Variants in SPSB4 observed in about 807,000 individuals in gnomAD.
SPSB4 encodes the protein splA/ryanodine receptor domain and SOCS box containing 4, also known as SPRY domain-containing SOCS box protein 4.
A neutral mutation model predicts 20.9 loss-of-function variants in SPSB4; 21 were observed. The ratio of observed to expected loss-of-function variants is 1.01; its 90% CI spans 0.71 to 1.45. The LOEUF (loss-of-function observed/expected upper bound fraction) is 1.45. Among genes scored for constraint, SPSB4 ranks in the 40% most tolerant of loss-of-function variants. The pLI, the probability that SPSB4 is intolerant of heterozygous loss-of-function variation, is 0.00. For missense variants in SPSB4, 399 were observed against 399.2 expected, an observed-to-expected ratio of 1.00 and a Z score of 0.00; for synonymous variants, 207 against 183.8, an observed-to-expected ratio of 1.13 and a Z score of -1.02.
intron 2 of SPSB4, among the ~76,000 whole-genome samples, chr3:141,134,111 A>G (rs1559856651): frequency 4.0e-5 from 2 of 50,614 alleles, no homozygotes; most frequent in East Asian, 1.5e-3. Flanking sequence ...TCTTGATTTG[A>G]TTCTGGTCAC....
At chr3:141,124,493 T>G (rs1939019901) in intron 2 of SPSB4, among the ~76,000 whole-genome samples, 1 of 152,052 alleles carries the variant, frequency 6.6e-6, no homozygotes, top group Admixed American at 6.5e-5. Flanking sequence ...CTGATGAGGA[T>G]GTGGAGAAGG....
intron 2 of SPSB4, among the ~76,000 whole-genome samples, chr3:141,076,291 C>T (rs1271809277): frequency 6.6e-6 from 1 of 152,216 alleles, no homozygotes; most frequent in Non-Finnish European, 1.5e-5. Flanking sequence ...CTCCTTTTCA[C>T]GTCCGGCCCC....
chr3:141,141,123 T>G (rs980794062), intron 2 of SPSB4, among the ~76,000 whole-genome samples: 1 of 152,256 alleles, frequency 6.6e-6, no homozygotes, highest in Non-Finnish European at 1.5e-5. Context: ...CATAGGACCC[T>G]CCGAGCCAGG....
chr3:141,136,857 T>C lies in SPSB4; in HGVS notation c.695-10285T>C, dbSNP rs1418516432. Among the ~76,000 whole-genome samples, 7 of 152,314 alleles carry C rather than the reference T, an allele frequency of 4.6e-5. No homozygotes were observed. The East Asian group carries it at 1.3e-3, about 29-fold the overall frequency. On this transcript the variant is annotated intron_variant, in intron 2 of 2. Coordinates refer to ENST00000310546, the MANE Select transcript of SPSB4 (RefSeq NM_080862.3). Reference sequence around the variant, plus strand: ...TGGTTCCATATGAACTTTAAAGTAGTTTTTTCCAATTCTGTGAAGAAAGTC... The same window carrying C: ...TGGTTCCATATGAACTTTAAAGTAGCTTTTTCCAATTCTGTGAAGAAAGTC...
At position 141,119,618 on chromosome 3, in the gene SPSB4, G is replaced by A. The variant is rs545823753; in HGVS notation, c.695-27524G>A. 1.1e-4 allele frequency among the ~76,000 whole-genome samples: 17 copies of A among 152,214 alleles called. No homozygotes were observed. In the East Asian group the frequency reaches 1.7e-3, roughly 16 times the overall value. On this transcript the variant is annotated intron_variant, in intron 2 of 2. Coordinates refer to ENST00000310546, the MANE Select transcript of SPSB4 (RefSeq NM_080862.3). ...TTTTTGCCCATTCAGTATGATATTAGCTGTGGGTTTGTCATAAATAGCTCT... is the reference window on the plus strand; with the variant it reads ...TTTTTGCCCATTCAGTATGATATTAACTGTGGGTTTGTCATAAATAGCTCT...
chr3:141,059,708 ATTTGGGGAGGACACAATC>A (rs1243903943), intron 1 of SPSB4, among the ~76,000 whole-genome samples: 2 of 152,154 alleles, frequency 1.3e-5, no homozygotes, highest in Non-Finnish European at 2.9e-5. Context: ...CAACATGTGA[ATTTGGGGAGGACACAATC>A]AGTTCATAGC....
chr3:141,121,114 C>CA (rs1472281387), intron 2 of SPSB4, among the ~76,000 whole-genome samples: 6 of 151,738 alleles, frequency 4.0e-5, no homozygotes, highest in Non-Finnish European at 7.4e-5. Context: ...CTGGTGGTAA[C>CA]AAAATCTCTC....
chr3:141,092,633 A>G (rs1052313054), intron 2 of SPSB4, among the ~76,000 whole-genome samples: 2 of 152,168 alleles, frequency 1.3e-5, no homozygotes, highest in African/African-American at 4.8e-5. Context: ...GTACTGCCCT[A>G]CCAGCTGGCC....
intron 2 of SPSB4, among the ~76,000 whole-genome samples, chr3:141,110,143 A>C (rs953815000): frequency 6.6e-6 from 1 of 152,092 alleles, no homozygotes; most frequent in Non-Finnish European, 1.5e-5. Context: ...TCTTTCAGGA[A>C]CCCAGAGGCC....
chr3:141,128,138 G>C (rs116692658), intron 2 of SPSB4, among the ~76,000 whole-genome samples: 1 of 152,226 alleles, frequency 6.6e-6, no homozygotes, highest in South Asian at 2.1e-4. Flanking sequence ...GGTGGGGAAG[G>C]GGGTGGAGTG....
At chr3:141,100,819 C>T (rs59153839) in intron 2 of SPSB4, among the ~76,000 whole-genome samples, 1 of 152,138 alleles carries the variant, frequency 6.6e-6, no homozygotes, top group Admixed American at 6.5e-5. Flanking sequence ...GGTGTGGTAG[C>T]CCTCGGTATG....
chr3:141,089,459 T>C (rs1227747271), intron 2 of SPSB4, among the ~76,000 whole-genome samples: 2 of 152,116 alleles, frequency 1.3e-5, no homozygotes, highest in African/African-American at 2.4e-5. Context: ...TCCTGAAATC[T>C]GGGTATTTGC....
intron 1 of SPSB4, among the ~76,000 whole-genome samples, chr3:141,055,824 A>AG (rs2107773969): frequency 6.6e-6 from 1 of 152,306 alleles, no homozygotes; most frequent in East Asian, 1.9e-4. Context: ...TGCCCATGGT[A>AG]GGAGGCTTAT....
intron 2 of SPSB4, among the ~76,000 whole-genome samples, chr3:141,127,886 C>T (rs1939073713): frequency 6.6e-6 from 1 of 152,216 alleles, no homozygotes; most frequent in Non-Finnish European, 1.5e-5. Flanking sequence ...GAGAACCGAA[C>T]CGAATTCCAG....
chr3:141,147,012 C>A, intron 2 of SPSB4, 130 bp from the exon 3 acceptor site: 1 of 1,278,376 alleles, frequency 7.8e-7, no homozygotes, highest in South Asian at 1.4e-5. Flanking sequence ...GAAATCTTCT[C>A]CAAGGAGAAG....
intron 2 of SPSB4, among the ~76,000 whole-genome samples, chr3:141,089,796 T>C (rs1938415780): frequency 6.6e-6 from 1 of 152,204 alleles, no homozygotes; most frequent in Non-Finnish European, 1.5e-5. Flanking sequence ...TTTTCAGGGA[T>C]TTCACAGAAA....
intron 2 of SPSB4, among the ~76,000 whole-genome samples, chr3:141,070,073 T>C (rs1434450782): frequency 6.6e-6 from 1 of 152,112 alleles, no homozygotes; most frequent in Non-Finnish European, 1.5e-5. Context: ...TGGAGTGAAA[T>C]GGCTCAGCAT....
intron 2 of SPSB4, among the ~76,000 whole-genome samples, chr3:141,139,273 T>G (rs1939281795): frequency 2.0e-5 from 3 of 152,146 alleles, no homozygotes; most frequent in African/African-American, 7.2e-5. Context: ...CACTGATGGG[T>G]CTTGACTCTT....
At chr3:141,074,636 G>A (rs994512356) in intron 2 of SPSB4, among the ~76,000 whole-genome samples, 3 of 152,202 alleles carry the variant, frequency 2.0e-5, no homozygotes, top group African/African-American at 7.2e-5. Flanking sequence ...TCTTATTCAA[G>A]TGTTTCTCTA....
Sources: allele counts gnomAD v4.1 joint callset (sites outside exome capture counted in the v4.1 genomes callset), GRCh38; gene constraint gnomAD v4.1.1; transcripts MANE v1.5; gene names NCBI Gene and HGNC (gene_info 2026-07-23, HGNC 2026-07-21).